ALDH7A1: variants seen among roughly 807,000 people sequenced by gnomAD.
The protein encoded by ALDH7A1 is aldehyde dehydrogenase 7 family member A1, also known as alpha-aminoadipic semialdehyde dehydrogenase.
A neutral mutation model predicts 79.9 loss-of-function variants in ALDH7A1; 63 were observed. That is an observed-to-expected ratio of 0.79 (90% CI 0.64 to 0.97). ALDH7A1 has a LOEUF of 0.97. Among genes scored for constraint, ALDH7A1 ranks in the 50% least tolerant of loss-of-function variants. ALDH7A1 has a pLI of 0.00. For synonymous variants in ALDH7A1, 240 were observed against 231.2 expected (o/e 1.04, Z -0.34); for missense variants, 627 against 665.2 (o/e 0.94, Z 0.63).
chr5:126,550,025 T>G, intron 15 of ALDH7A1, 23 bp from the exon 16 acceptor site: 1 of 1,606,666 alleles, frequency 6.2e-7, no homozygotes, highest in Non-Finnish European at 8.5e-7. Context: ...GGAGGCATGG[T>G]GAGAGCAATG....
Position 126,552,227 on chromosome 5 carries a change from A to G in ALDH7A1, c.1201-90T>C, listed in dbSNP as rs1407830037. 4 of 943,484 alleles carry G rather than the reference A, an allele frequency of 4.2e-6. No homozygotes were observed. The African/African-American group carries it at 6.6e-5, about 16-fold the overall frequency. 58.4% of individuals were successfully genotyped at this position (943,484 alleles called of 1,614,324 possible). On this transcript the variant is annotated intron_variant, in intron 13 of 17. Transcript: ENST00000409134. ...GATGCAATCTTTGCCTACATTTATAAAGAAAAAAATTAGCATCATTTATAG... is the reference window on the plus strand; with the variant it reads ...GATGCAATCTTTGCCTACATTTATAGAGAAAAAAATTAGCATCATTTATAG...
At chr5:126,586,585 A>T (rs1295027851) in intron 3 of ALDH7A1, 1 of 152,232 alleles carries the variant, frequency 6.6e-6, no homozygotes, top group Non-Finnish European at 1.5e-5. Flanking sequence ...ACAGGCAATT[A>T]CAATCTAATG....
intron 12 of ALDH7A1, chr5:126,555,056 G>A (rs1017754204): frequency 1.9e-5 from 3 of 157,820 alleles, no homozygotes; most frequent in African/African-American, 7.2e-5. Flanking sequence ...TGGAGAAGGT[G>A]GAGCTCTGGG....
In ALDH7A1 at chr5:126,554,577, G is replaced by A. The variant is rs57637772; in HGVS notation, c.1094-184C>T. 0.2 allele frequency: 125,874 copies of A among 636,250 alleles called. 16,598 individuals are homozygous for A. The highest frequency in any genetic ancestry group is 0.58 in the East Asian group (20,311 of 34,982). 39.4% of individuals were successfully genotyped at this position (636,250 alleles called of 1,614,324 possible). On this transcript the variant is annotated intron_variant, in intron 12 of 17. Coordinates refer to ENST00000409134, the MANE Select transcript of ALDH7A1 (RefSeq NM_001182.5). Reference sequence around the variant, plus strand: ...ATATTTTATGCTTTGGAGGACATACGTGATCTCCATCCCAATACTCAACTC... The same window carrying A: ...ATATTTTATGCTTTGGAGGACATACATGATCTCCATCCCAATACTCAACTC...
intron 5 of ALDH7A1, chr5:126,582,123 G>T: frequency 2.5e-6 from 1 of 398,634 alleles, no homozygotes. Flanking sequence ...AGAAGTTTGA[G>T]ACCAGCCTGA....
intron 3 of ALDH7A1, among the ~76,000 whole-genome samples, chr5:126,590,306 C>T (rs985861506): frequency 6.6e-6 from 1 of 152,256 alleles, no homozygotes; most frequent in African/African-American, 2.4e-5. Context: ...GAAGTGACAG[C>T]CTTGTGTGTG....
rs1205764443 is a variant in ALDH7A1, at chr5:126,575,584, A to C, written c.651-120T>G. ...AAAAGCTCTGTCCAATTAGACAACT[A>C]ACAAGTGAGTCTAGTAACTGAAACA... On this transcript the variant is annotated intron_variant, in intron 6 of 17. Coordinates refer to ENST00000409134, the MANE Select transcript of ALDH7A1 (RefSeq NM_001182.5). 8 of 820,408 alleles carry C rather than the reference A, an allele frequency of 9.8e-6. No homozygotes were observed. The East Asian group carries it at 2.3e-4, about 23-fold the overall frequency. The allele number at this position is 820,408 out of a possible 1,614,324, so 50.8% of individuals were successfully genotyped here.
intron 4 of ALDH7A1, among the ~76,000 whole-genome samples, chr5:126,583,411 G>T (rs982165761): frequency 6.6e-6 from 1 of 151,944 alleles, no homozygotes; most frequent in Non-Finnish European, 1.5e-5. Flanking sequence ...AACCCAGGAG[G>T]GGGAGGTTGC....
chr5:126,590,277 T>G (rs1260885730), intron 3 of ALDH7A1, among the ~76,000 whole-genome samples: 2 of 152,388 alleles, frequency 1.3e-5, no homozygotes, highest in Non-Finnish European at 2.9e-5. Flanking sequence ...GCCTGGCCGC[T>G]GTGCAACCTT....
intron 16 of ALDH7A1, 102 bp from the exon 17 acceptor site, chr5:126,546,501 C>A: frequency 9.7e-7 from 1 of 1,029,008 alleles, no homozygotes; most frequent in Non-Finnish European, 1.5e-6. Context: ...CCAGAACAAC[C>A]TGATTATTTA....
chr5:126,565,847 C>A (rs1750564189), intron 9 of ALDH7A1, among the ~76,000 whole-genome samples: 1 of 152,216 alleles, frequency 6.6e-6, no homozygotes. Context: ...AAAAGACCAT[C>A]CTTTCCCCAT....
Position 126,592,727 on chromosome 5 carries a change from G to A in ALDH7A1, c.249C>T (p.Ala83=). 6.2e-7 allele frequency: 1 copy of A among 1,613,600 alleles called. No homozygotes were observed. Among genetic ancestry groups the A allele is most frequent in the South Asian group, 1.1e-5 (1 of 91,072 alleles). ...NNEPIARVRQ[A]SVADYEETVK... The stretch of plus-strand genomic sequence containing the variant: ...CAGTTTCTTCATAGTCTGCCACACT[G>A]GCCTAAATTAAGAATTAGGGGGACA... The change falls in exon 3 of 18, where the codon GCC becomes GCT. Residue 83 remains alanine (A), a splice_region_variant and synonymous_variant. Coordinates refer to ENST00000409134, the MANE Select transcript of ALDH7A1 (RefSeq NM_001182.5).
chr5:126,545,477 G>T (rs1749755230), intron 17 of ALDH7A1, among the ~76,000 whole-genome samples: 1 of 149,014 alleles, frequency 6.7e-6, no homozygotes, highest in African/African-American at 2.5e-5. Context: ...TGGCCAGGCT[G>T]GTCTTGAACT....
At chr5:126,569,361 G>A (rs1166588615) in intron 8 of ALDH7A1, 2 of 152,196 alleles carry the variant, frequency 1.3e-5, no homozygotes, top group South Asian at 2.1e-4. Flanking sequence ...ATTCCTCATG[G>A]AAGCCTACTT....
At chr5:126,546,582 AG>A (rs1749793933) in intron 16 of ALDH7A1, among the ~76,000 whole-genome samples, 183 bp from the exon 17 acceptor site, 1 of 152,052 alleles carries the variant, frequency 6.6e-6, no homozygotes, top group South Asian at 2.1e-4. Flanking sequence ...CAAAACAAAC[AG>A]AAAAAAGGAA....
chr5:126,556,501 C>T (rs559052319), intron 11 of ALDH7A1, among the ~76,000 whole-genome samples: 28 of 152,264 alleles, frequency 1.8e-4, no homozygotes, highest in Non-Finnish European at 2.6e-4. Flanking sequence ...ACCTCAGTCT[C>T]CCAAAGTGCT....
At position 126,595,120 on chromosome 5, in the gene ALDH7A1, C is replaced by A. The variant is rs1060502950; in HGVS notation, c.79G>T (p.Ala27Ser). The A allele has an allele frequency of 6.3e-7, 1 of 1,581,296 alleles. No individual in the cohort carries two copies. The highest frequency in any genetic ancestry group is 8.6e-7 in the Non-Finnish European group (1 of 1,162,922). The change falls in exon 1 of 18, where the codon GCC (alanine) becomes TCC (serine). Residue 27 changes from alanine to serine, a missense_variant. Physicochemically the swap from Ala to Ser is moderately conservative, Grantham distance 99 (BLOSUM62 1). Coordinates refer to ENST00000409134, the MANE Select transcript of ALDH7A1 (RefSeq NM_001182.5). Reference sequence around the variant, plus strand: ...TTGATGAGGAGAGTGGACATGAAGGCGGCAGGCCTGCTCCAAGGTCCAGAG... The same window carrying A: ...TTGATGAGGAGAGTGGACATGAAGGAGGCAGGCCTGCTCCAAGGTCCAGAG... ...KLSGPWSRPA[A>S]FMSTLLINQP...
intron 16 of ALDH7A1, among the ~76,000 whole-genome samples, chr5:126,548,409 T>G (rs1749871360): frequency 7.0e-6 from 1 of 142,976 alleles, no homozygotes; most frequent in Admixed American, 7.6e-5. Context: ...TGAGCCACCA[T>G]GCCCAGCCCA....
rs192308027 is a variant in ALDH7A1 at position 126,557,156 on chromosome 5, G to A, written c.1009-1141C>T. ...TCTTAGCTTTAACGTAATCTTTAAC[G>A]CAATTTAATGTTTATGGTGAACAAA... On this transcript the variant is annotated intron_variant, in intron 11 of 17. Transcript: ENST00000409134. 3.3e-5 allele frequency among the ~76,000 whole-genome samples: 5 copies of A among 152,182 alleles called. No individual in the cohort carries two copies. In the East Asian group the frequency reaches 5.8e-4, roughly 18 times the overall value.
Sources: gnomAD v4.1 joint callset for allele counts (sites outside exome capture counted in the v4.1 genomes callset) on GRCh38, gnomAD v4.1.1 for gene constraint, MANE v1.5 for transcripts, NCBI Gene and HGNC (gene_info 2026-07-23, HGNC 2026-07-21) for gene names.